PAX3: variants seen among roughly 807,000 people sequenced by gnomAD.
PAX3 encodes paired box protein Pax-3.
PAX3 carries 14 observed loss-of-function variants against 51.6 expected under a neutral mutation model. That is an observed-to-expected ratio of 0.27 (90% CI 0.18 to 0.42). The LOEUF (loss-of-function observed/expected upper bound fraction) is 0.42. Among genes scored for constraint, PAX3 ranks in the 10% least tolerant of loss-of-function variants. The pLI, the probability that PAX3 is intolerant of heterozygous loss-of-function variation, is 1.00. For missense variants in PAX3, 540 were observed against 642.8 expected (o/e 0.84, Z 1.73); for synonymous variants, 280 against 253.4 (o/e 1.11, Z -1.00).
chr2:222,280,900 A>G (rs562353246), intron 4 of PAX3, among the ~76,000 whole-genome samples: 1 of 152,324 alleles, frequency 6.6e-6, no homozygotes, highest in South Asian at 2.1e-4. Context: ...ATGATGCTAA[A>G]TCCCCAGTCT....
chr2:222,251,958 C>T (rs67902238), intron 4 of PAX3, among the ~76,000 whole-genome samples: 17,469 of 152,158 alleles, frequency 0.11, 1,227 homozygotes, highest in East Asian at 0.32. Context: ...TGGAGTGCTA[C>T]GAGACAAAAC....
intron 4 of PAX3, chr2:222,242,566 A>G (rs1177836755): frequency 6.6e-6 from 1 of 152,140 alleles, no homozygotes; most frequent in African/African-American, 2.4e-5. Context: ...CCTAATATAA[A>G]ATCATATCAG....
At chr2:222,228,288 G>A (rs1692458040) in intron 5 of PAX3, among the ~76,000 whole-genome samples, 2 of 152,192 alleles carry the variant, frequency 1.3e-5, no homozygotes, top group Admixed American at 6.5e-5. Flanking sequence ...CCGGGTTAAA[G>A]CCACATTAAG....
At chr2:222,289,973 T>C (rs1694970291) in intron 4 of PAX3, among the ~76,000 whole-genome samples, 1 of 152,220 alleles carries the variant, frequency 6.6e-6, no homozygotes, top group African/African-American at 2.4e-5. Flanking sequence ...GTCTGTCCAC[T>C]TGAATAAAGG....
chr2:222,203,379 C>T (rs543112809), intron 7 of PAX3, among the ~76,000 whole-genome samples: 71 of 151,972 alleles, frequency 4.7e-4, no homozygotes, highest in Non-Finnish European at 1.9e-4. Context: ...TCAAGAGCCC[C>T]CCCGAAGACA....
intron 4 of PAX3, 22 bp from the exon 5 acceptor site, chr2:222,232,305 A>C: frequency 6.2e-7 from 1 of 1,600,676 alleles, no homozygotes; most frequent in South Asian, 1.1e-5. Context: ...GAAGAACAAA[A>C]CATCATAAAA....
intron 7 of PAX3, among the ~76,000 whole-genome samples, chr2:222,202,803 T>C (rs1341098581): frequency 2.0e-5 from 3 of 151,148 alleles, no homozygotes. Context: ...GGTACTTTAT[T>C]TACCCCTCCC....
chr2:222,201,341 G>T lies in PAX3; in HGVS notation c.*67C>A. The stretch of plus-strand genomic sequence containing the variant: ...GTAATTTTTTTTTGTTTTCAGAGCA[G>T]ATTCTTCATATCTAGGCTGCGAAGA... On this transcript the variant is annotated 3_prime_UTR_variant, in exon 9 of 9. Transcript: ENST00000392070. 1 of 1,611,650 alleles carries T rather than the reference G, an allele frequency of 6.2e-7. No individual in the cohort carries two copies. Among genetic ancestry groups the T allele is most frequent in the East Asian group, 2.2e-5 (1 of 44,496 alleles).
At position 222,201,034 on chromosome 2, in the gene PAX3, TACACAC is replaced by T. The variant is rs373626774; in HGVS notation, c.*368_*373del. On this transcript the variant is annotated 3_prime_UTR_variant, in exon 9 of 9. Coordinates refer to ENST00000392070, the MANE Select transcript of PAX3 (RefSeq NM_181458.4). The stretch of plus-strand genomic sequence containing the variant: ...CCAAACCAGTCTGGGTAAATCTCAA[TACACAC>T]ACACACACACACACGCACGCACGCA... The T allele has an allele frequency of 4.1e-5, 33 of 800,840 alleles. No individual in the cohort carries two copies. Among genetic ancestry groups the T allele is most frequent in the Middle Eastern group, 2.4e-4 (1 of 4,238 alleles). The allele number at this position is 800,840 out of a possible 1,614,324, so 49.6% of individuals were successfully genotyped here.
At chr2:222,230,268 T>C (rs1692537873) in intron 5 of PAX3, among the ~76,000 whole-genome samples, 1 of 151,916 alleles carries the variant, frequency 6.6e-6, no homozygotes. Flanking sequence ...TGCAGGGACA[T>C]GGATGAACCT....
chr2:222,268,694 A>G (rs1415329809), intron 4 of PAX3, among the ~76,000 whole-genome samples: 1 of 152,062 alleles, frequency 6.6e-6, no homozygotes, highest in Non-Finnish European at 1.5e-5. Context: ...CTTGCAGGCT[A>G]TTTTATTTTT....
rs1026761247 is a variant in PAX3 at position 222,296,167 on chromosome 2, G to A, written c.322-510C>T. Among the ~76,000 whole-genome samples, 4 of 152,330 alleles carry A rather than the reference G, an allele frequency of 2.6e-5. No individual in the cohort carries two copies. The South Asian group carries it at 8.3e-4, about 32-fold the overall frequency. On this transcript the variant is annotated intron_variant, in intron 2 of 8. Coordinates refer to ENST00000392070, the MANE Select transcript of PAX3 (RefSeq NM_181458.4). ...AGTCGATAACAAATATTAATTAAGAGAGACTGACTCTTCTCTCTACCCCCA... is the reference window on the plus strand; with the variant it reads ...AGTCGATAACAAATATTAATTAAGAAAGACTGACTCTTCTCTCTACCCCCA...
chr2:222,279,174 G>A (rs770000059), intron 4 of PAX3, among the ~76,000 whole-genome samples: 5 of 152,106 alleles, frequency 3.3e-5, no homozygotes, highest in African/African-American at 9.7e-5. Context: ...GGCTGGTCTC[G>A]ACCTCCTGAT....
At chr2:222,295,889 C>T (rs759558292) in intron 2 of PAX3, among the ~76,000 whole-genome samples, 1 of 152,162 alleles carries the variant, frequency 6.6e-6, no homozygotes, top group Admixed American at 6.5e-5. Context: ...CCAGACAAGC[C>T]CCAGACAACC....
chr2:222,202,273 G>A, intron 7 of PAX3, 83 bp from the exon 8 acceptor site: 1 of 1,072,038 alleles, frequency 9.3e-7, no homozygotes. Context: ...TAACTTGACA[G>A]TCCAGTTTTT....
At chr2:222,213,174 A>G (rs763272480) in intron 7 of PAX3, among the ~76,000 whole-genome samples, 5 of 152,168 alleles carry the variant, frequency 3.3e-5, no homozygotes, top group Non-Finnish European at 7.3e-5. Flanking sequence ...CCTTTCTTTA[A>G]AAAGGAGATT....
chr2:222,230,057 C>A (rs1692527423), intron 5 of PAX3, among the ~76,000 whole-genome samples: 1 of 151,914 alleles, frequency 6.6e-6, no homozygotes, highest in African/African-American at 2.4e-5. Context: ...GCACCTGTAG[C>A]CCCAACTATC....
At chr2:222,278,133 A>G (rs1019635551) in intron 4 of PAX3, among the ~76,000 whole-genome samples, 9 of 152,174 alleles carry the variant, frequency 5.9e-5, no homozygotes, top group African/African-American at 9.7e-5. Context: ...AATCCCAGAT[A>G]TCATTGGTGG....
intron 2 of PAX3, among the ~76,000 whole-genome samples, chr2:222,295,908 T>C (rs971073997): frequency 6.6e-6 from 1 of 152,158 alleles, no homozygotes; most frequent in Non-Finnish European, 1.5e-5. Flanking sequence ...CCGGGATAAA[T>C]TCAGAAGAAT....
Sources: allele counts gnomAD v4.1 joint callset (sites outside exome capture counted in the v4.1 genomes callset), GRCh38; gene constraint gnomAD v4.1.1; transcripts MANE v1.5; gene names NCBI Gene and HGNC (gene_info 2026-07-23, HGNC 2026-07-21).